The following SH3GLB1 variants were observed in gnomAD, a reference collection of about 807,000 sequenced individuals.
The protein encoded by SH3GLB1 is endophilin-B1.
A neutral mutation model predicts 42.0 loss-of-function variants in SH3GLB1; 17 were observed. The observed-to-expected ratio is 0.40, with a 90% CI of 0.28 to 0.61. The LOEUF is 0.61. Among genes scored for constraint, SH3GLB1 ranks in the 20% least tolerant of loss-of-function variants. The pLI is 0.36. For missense variants in SH3GLB1, 355 were observed against 426.3 expected (o/e 0.83, Z 1.47); for synonymous variants, 132 against 146.6 (o/e 0.90, Z 0.72).
In SH3GLB1 at chr1:86,742,360, G is replaced by A. The variant is rs767582673; in HGVS notation, c.914G>A (p.Ser305Asn). The A allele has an allele frequency of 6.2e-7, 1 of 1,614,154 alleles. No individual in the cohort carries two copies. The highest frequency in any genetic ancestry group is 1.1e-5 in the South Asian group (1 of 91,086). Residue 305 changes from serine to asparagine, a missense_variant, in exon 8 of 9, where the codon AGT (serine) becomes AAT (asparagine). Coordinates refer to ENST00000370558, the MANE Select transcript of SH3GLB1 (RefSeq NM_016009.5). ...AACCTCAGTGACCTTAAGGAGTGTA[G>A]TGGCAGCAGAAAGGCCAGGGTTCTC... The part of the protein sequence containing the change: ...PSNLSDLKEC[S>N]GSRKARVLYD...
chr1:86,705,344 A>T (rs956129141), intron 1 of SH3GLB1, among the ~76,000 whole-genome samples: 3 of 152,046 alleles, frequency 2.0e-5, no homozygotes, highest in Non-Finnish European at 4.4e-5. Flanking sequence ...GACACAGGCC[A>T]TTCTTGCACT....
chr1:86,721,778 C>G (rs943282375), intron 3 of SH3GLB1, among the ~76,000 whole-genome samples: 1 of 152,126 alleles, frequency 6.6e-6, no homozygotes, highest in East Asian at 1.9e-4. Context: ...AGTCACCCCT[C>G]GATATCCATG....
chr1:86,729,375 GT>G (rs145904670), intron 5 of SH3GLB1, among the ~76,000 whole-genome samples: 4,073 of 150,856 alleles, frequency 0.027, 209 homozygotes, highest in African/African-American at 0.094. Context: ...TTTTGTTTTT[GT>G]TTTTTTTTAA....
At chr1:86,719,151 A>G (rs1654719297) in intron 2 of SH3GLB1, among the ~76,000 whole-genome samples, 2 of 152,240 alleles carry the variant, frequency 1.3e-5, no homozygotes, top group South Asian at 4.1e-4. Context: ...ATGAATGTAC[A>G]TTCAGAGTAA....
At chr1:86,727,038 T>G (rs1570274722) in intron 5 of SH3GLB1, among the ~76,000 whole-genome samples, 1 of 152,004 alleles carries the variant, frequency 6.6e-6, no homozygotes, top group African/African-American at 2.4e-5. Context: ...TTTAAGTAAT[T>G]TACTTACTAG....
chr1:86,739,048 T>C (rs1418738101), intron 7 of SH3GLB1, among the ~76,000 whole-genome samples: 1 of 152,222 alleles, frequency 6.6e-6, no homozygotes, highest in African/African-American at 2.4e-5. Flanking sequence ...CTGGGAAGTA[T>C]GTCAGTTATA....
Position 86,704,743 on chromosome 1 carries a change from C to A in SH3GLB1, c.-157C>A, listed in dbSNP as rs919569909. On this transcript the variant is annotated 5_prime_UTR_variant, in exon 1 of 9. Transcript: ENST00000370558. Reference sequence around the variant, plus strand: ...TCCCTCGCCCCGCCTTCATCCTCCCCGTTCACGGAAACGACAGCTGCGGCT... The same window carrying A: ...TCCCTCGCCCCGCCTTCATCCTCCCAGTTCACGGAAACGACAGCTGCGGCT... The A allele has an allele frequency of 6.1e-6, 3 of 491,476 alleles. No homozygotes were observed. Among genetic ancestry groups the A allele is most frequent in the Non-Finnish European group, 1.1e-5 (3 of 280,014 alleles). The allele number at this position is 491,476 out of a possible 1,614,324, so 30.4% of individuals were successfully genotyped here. A position where few individuals can be genotyped will look rare whatever the true frequency, so the allele number is the denominator to read the frequency against.
At position 86,743,809 on chromosome 1, in the gene SH3GLB1, CAG is replaced by C. The variant is rs1656174970; in HGVS notation, c.*577_*578del. ...ATATTATGTTTTGATGGGTTATTTT[CAG>C]AGTTGTTTGGTTTTTTAAACACTAC... On this transcript the variant is annotated 3_prime_UTR_variant, in exon 9 of 9. Coordinates refer to ENST00000370558, the MANE Select transcript of SH3GLB1 (RefSeq NM_016009.5). The C allele has an allele frequency of 6.6e-6, 1 of 152,494 alleles. No homozygotes were observed. Among genetic ancestry groups the C allele is most frequent in the Admixed American group, 6.5e-5 (1 of 15,268 alleles). The allele number at this position is 152,494 out of a possible 1,614,324, so 9.4% of individuals were successfully genotyped here.
Position 86,747,863 on chromosome 1 carries a change from C to T in SH3GLB1, c.*4628C>T, listed in dbSNP as rs779119858. 5 of 152,120 alleles carry T rather than the reference C, an allele frequency of 3.3e-5. No homozygotes were observed. Among genetic ancestry groups the T allele is most frequent in the Admixed American group, 6.5e-5 (1 of 15,268 alleles). The allele number at this position is 152,120 out of a possible 1,614,324, so 9.4% of individuals were successfully genotyped here. A position where few individuals can be genotyped will look rare whatever the true frequency, so the allele number is the denominator to read the frequency against. ...TGCTTTTTTATAATACAAGTCATAG[C>T]CCTGTTGGCAAAAAGAAAAAAGATT... On this transcript the variant is annotated 3_prime_UTR_variant, in exon 9 of 9. Transcript: ENST00000370558.
Position 86,713,761 on chromosome 1 carries a change from C to A in SH3GLB1, c.73-1963C>A, listed in dbSNP as rs142859786. On this transcript the variant is annotated intron_variant, in intron 1 of 8. Coordinates refer to ENST00000370558, the MANE Select transcript of SH3GLB1 (RefSeq NM_016009.5). ...TCTTCCTCTCCCTGAAGAATGAATTCTTTCTCTGTACTTGGATTTGTATGT... is the reference window on the plus strand; with the variant it reads ...TCTTCCTCTCCCTGAAGAATGAATTATTTCTCTGTACTTGGATTTGTATGT... 5.9e-5 allele frequency among the ~76,000 whole-genome samples: 9 copies of A among 152,298 alleles called. No homozygotes were observed. The East Asian group carries it at 1.5e-3, about 26-fold the overall frequency.
At chr1:86,715,304 A>G (rs1057485469) in intron 1 of SH3GLB1, among the ~76,000 whole-genome samples, 2 of 152,228 alleles carry the variant, frequency 1.3e-5, no homozygotes, top group African/African-American at 2.4e-5. Flanking sequence ...AAGAAAAAAT[A>G]TTCAATACAT....
intron 4 of SH3GLB1, among the ~76,000 whole-genome samples, chr1:86,722,989 C>A (rs557427715): frequency 2.0e-5 from 3 of 151,994 alleles, no homozygotes; most frequent in African/African-American, 7.2e-5. Context: ...GTATATATAC[C>A]GTGTAGCTCT....
intron 7 of SH3GLB1, among the ~76,000 whole-genome samples, chr1:86,740,513 T>C (rs959399977): frequency 2.0e-5 from 3 of 152,234 alleles, no homozygotes; most frequent in African/African-American, 7.2e-5. Flanking sequence ...CTAAGAGTTA[T>C]TATAATAATT....
At chr1:86,718,694 C>CTT (rs1654695051) in intron 2 of SH3GLB1, among the ~76,000 whole-genome samples, 1 of 152,096 alleles carries the variant, frequency 6.6e-6, no homozygotes, top group Non-Finnish European at 1.5e-5. Context: ...AAACTTAAGC[C>CTT]ATTTTTTCAC....
In SH3GLB1 at chr1:86,704,850, T is replaced by A. The variant is rs1570397581; in HGVS notation, c.-50T>A. On this transcript the variant is annotated 5_prime_UTR_variant, in exon 1 of 9. Coordinates refer to ENST00000370558, the MANE Select transcript of SH3GLB1 (RefSeq NM_016009.5). ...TGCGCCCCAGCCCGGCCGCGGCACC[T>A]CCGCCTCGCCGCCGCTAGGTCGGCC... 1.5e-6 allele frequency: 2 copies of A among 1,374,910 alleles called. No individual in the cohort carries two copies. The highest frequency in any genetic ancestry group is 2.6e-5 in the South Asian group (2 of 78,082). 85.2% of individuals were successfully genotyped at this position (1,374,910 alleles called of 1,614,324 possible).
intron 1 of SH3GLB1, among the ~76,000 whole-genome samples, chr1:86,709,519 T>A (rs995782451): frequency 1.3e-5 from 2 of 152,230 alleles, no homozygotes; most frequent in Non-Finnish European, 2.9e-5. Flanking sequence ...AAACTTGTCA[T>A]AAATCTTATT....
rs1334416096 is a variant in SH3GLB1, at chr1:86,747,319, G to C, written c.*4084G>C. 1 of 152,552 alleles carries C rather than the reference G, an allele frequency of 6.6e-6. No individual in the cohort carries two copies. 9.4% of individuals were successfully genotyped at this position (152,552 alleles called of 1,614,324 possible). Reference sequence around the variant, plus strand: ...ATGCAAATTTATAAGCCTTTTCAGAGACCTACTGAATCAAACTCTGAGAGT... The same window carrying C: ...ATGCAAATTTATAAGCCTTTTCAGACACCTACTGAATCAAACTCTGAGAGT... On this transcript the variant is annotated 3_prime_UTR_variant, in exon 9 of 9. Transcript: ENST00000370558.
intron 4 of SH3GLB1, among the ~76,000 whole-genome samples, chr1:86,723,280 G>A (rs1046051015): frequency 3.9e-5 from 6 of 152,178 alleles, no homozygotes; most frequent in African/African-American, 1.2e-4. Context: ...GGGAGGTCAA[G>A]GTGGGTGGAT....
intron 5 of SH3GLB1, among the ~76,000 whole-genome samples, chr1:86,727,532 A>G (rs1030572944): frequency 5.3e-5 from 8 of 151,966 alleles, no homozygotes; most frequent in Non-Finnish European, 1.5e-5. Flanking sequence ...TTTTCACTTT[A>G]GGGTTCCTTA....
Sources: gnomAD v4.1 joint callset for allele counts (sites outside exome capture counted in the v4.1 genomes callset) on GRCh38, gnomAD v4.1.1 for gene constraint, MANE v1.5 for transcripts, NCBI Gene and HGNC (gene_info 2026-07-23, HGNC 2026-07-21) for gene names.